The following PLLP variants were observed in gnomAD, a reference collection of about 807,000 sequenced individuals.
PLLP encodes the protein plasmolipin, also known as plasma membrane proteolipid (plasmolipin).
Under a neutral mutation model 19.7 loss-of-function variants are expected in PLLP, and 15 were observed. The observed-to-expected ratio is 0.76, with a 90% CI of 0.51 to 1.17. The LOEUF is 1.17. Ranked by LOEUF, PLLP falls within the 50% of genes most tolerant of loss-of-function variation. The pLI, the probability that PLLP is intolerant of heterozygous loss-of-function variation, is 0.00. For synonymous variants in PLLP, 111 were observed against 116.3 expected, an observed-to-expected ratio of 0.95 and a Z score of 0.29; for missense variants, 255 against 258.3, an observed-to-expected ratio of 0.99 and a Z score of 0.09.
intron 2 of PLLP, among the ~76,000 whole-genome samples, chr16:57,261,659 T>C (rs1366068724): frequency 2.6e-5 from 4 of 152,140 alleles, no homozygotes; most frequent in African/African-American, 9.7e-5. Context: ...GGTTCAAGGC[T>C]GCAGTGAGCC....
In PLLP at chr16:57,284,486, C is replaced by G. The variant is rs754077376; in HGVS notation, c.55G>C (p.Ala19Pro). The change falls in exon 1 of 4, where the codon GCC (alanine) becomes CCC (proline). Residue 19 changes from alanine to proline, a missense_variant. Physicochemically the swap from Ala to Pro is conservative, Grantham distance 27. Transcript: ENST00000219207. ...CGCAGCGCCGACACCGAGGCTTCGGCGCCCTGCGCAGGACTGCTGGTCCGC... is the reference window on the plus strand; with the variant it reads ...CGCAGCGCCGACACCGAGGCTTCGGGGCCCTGCGCAGGACTGCTGGTCCGC... ...STRTSSPAQGAEASVSALRPD... is the reference protein window; with the variant it reads ...STRTSSPAQGPEASVSALRPD... The G allele has an allele frequency of 6.9e-7, 1 of 1,439,516 alleles. No homozygotes were observed. Among genetic ancestry groups the G allele is most frequent in the Admixed American group, 2.5e-5 (1 of 39,780 alleles). 89.2% of individuals were successfully genotyped at this position (1,439,516 alleles called of 1,614,324 possible). A position where few individuals can be genotyped will look rare whatever the true frequency, so the allele number is the denominator to read the frequency against.
Position 57,279,103 on chromosome 16 carries a change from A to G in PLLP, c.135+5303T>C, listed in dbSNP as rs1338060593. On this transcript the variant is annotated intron_variant, in intron 1 of 3. Coordinates refer to ENST00000219207, the MANE Select transcript of PLLP (RefSeq NM_015993.3). ...TCGGATCCTATAACCCTGTGAATCC[A>G]AACTGTCCTTCATTCCCACATATAG... Among the ~76,000 whole-genome samples the G allele has an allele frequency of 3.3e-5, 5 of 152,328 alleles. No homozygotes were observed. The South Asian group carries it at 1.0e-3, about 32-fold the overall frequency.
chr16:57,265,798 C>T (rs2075455013), intron 1 of PLLP, among the ~76,000 whole-genome samples: 1 of 152,200 alleles, frequency 6.6e-6, no homozygotes. Flanking sequence ...GAGGCTGAGG[C>T]AGGTGGATCA....
chr16:57,261,813 ACC>A, intron 2 of PLLP, 82 bp downstream of exon 2: 3 of 1,260,898 alleles, frequency 2.4e-6, no homozygotes, highest in Non-Finnish European at 3.4e-6. Flanking sequence ...ATGTCAGGCC[ACC>A]CCCCCACACC....
chr16:57,263,500 A>C (rs1282688536), intron 1 of PLLP: 1 of 152,318 alleles, frequency 6.6e-6, no homozygotes, highest in Non-Finnish European at 1.5e-5. Context: ...AAATGATTGC[A>C]GCAGAAGTGT....
chr16:57,256,889 A>G lies in PLLP; in HGVS notation c.*24T>C, dbSNP rs1597956696. On this transcript the variant is annotated 3_prime_UTR_variant, in exon 4 of 4. Transcript: ENST00000219207. ...GTGACCCAGCGGCGGCTTCAGCCCC[A>G]GAGGGGGCCGTGGCACAGGTGGTTT... The G allele has an allele frequency of 6.6e-7, 1 of 1,522,746 alleles. No homozygotes were observed. Among genetic ancestry groups the G allele is most frequent in the African/African-American group, 1.4e-5 (1 of 73,314 alleles). 94.3% of individuals were successfully genotyped at this position (1,522,746 alleles called of 1,614,324 possible). A position where few individuals can be genotyped will look rare whatever the true frequency, so the allele number is the denominator to read the frequency against.
chr16:57,275,914 G>C (rs1322904948), intron 1 of PLLP, among the ~76,000 whole-genome samples: 2 of 152,166 alleles, frequency 1.3e-5, no homozygotes, highest in Non-Finnish European at 2.9e-5. Context: ...CCAGGAGTTC[G>C]AGACCAGCCT....
At chr16:57,270,639 G>A (rs940067164) in intron 1 of PLLP, among the ~76,000 whole-genome samples, 1 of 152,056 alleles carries the variant, frequency 6.6e-6, no homozygotes, top group Non-Finnish European at 1.5e-5. Flanking sequence ...TGTATCACAC[G>A]AGACAAAGGG....
chr16:57,271,857 C>A (rs552244806), intron 1 of PLLP, among the ~76,000 whole-genome samples: 75 of 152,108 alleles, frequency 4.9e-4, no homozygotes, highest in African/African-American at 1.8e-3. Flanking sequence ...GCAGCACTCG[C>A]AGGTGGGATC....
chr16:57,281,295 T>C (rs1901215467), intron 1 of PLLP, among the ~76,000 whole-genome samples: 1 of 121,450 alleles, frequency 8.2e-6, no homozygotes, highest in Non-Finnish European at 1.7e-5. Flanking sequence ...GCCTCAGTTT[T>C]CTCACCTAAA....
chr16:57,284,199 A>G (rs1299643594), intron 1 of PLLP, among the ~76,000 whole-genome samples: 1 of 151,818 alleles, frequency 6.6e-6, no homozygotes, highest in African/African-American at 2.4e-5. Context: ...GCCACGGGGT[A>G]GTGTCGTGGT....
rs1185016136 is a variant in PLLP, at chr16:57,263,774, C to T, written c.136-1704G>A. On this transcript the variant is annotated intron_variant, in intron 1 of 3. Coordinates refer to ENST00000219207, the MANE Select transcript of PLLP (RefSeq NM_015993.3). Reference sequence around the variant, plus strand: ...GATGCTCTGGAGAGCGCCTTCTCCACGAGGGCACTCTCTGGAATCCCTGGC... The same window carrying T: ...GATGCTCTGGAGAGCGCCTTCTCCATGAGGGCACTCTCTGGAATCCCTGGC... 5.3e-5 allele frequency among the ~76,000 whole-genome samples: 8 copies of T among 151,798 alleles called. No individual in the cohort carries two copies. The East Asian group carries it at 9.8e-4, about 19-fold the overall frequency.
At chr16:57,267,179 G>A (rs2075460302) in intron 1 of PLLP, among the ~76,000 whole-genome samples, 1 of 152,152 alleles carries the variant, frequency 6.6e-6, no homozygotes, top group Admixed American at 6.5e-5. Flanking sequence ...TGACTCTGAG[G>A]GAAGTTTTTC....
intron 1 of PLLP, among the ~76,000 whole-genome samples, chr16:57,262,398 A>G (rs1274710607): frequency 2.6e-5 from 4 of 152,114 alleles, no homozygotes; most frequent in African/African-American, 9.7e-5. Context: ...CTAAAAATAC[A>G]AAAATTAGCC....
Position 57,262,141 on chromosome 16 carries a change from G to A in PLLP, c.136-71C>T. The stretch of plus-strand genomic sequence containing the variant: ...TTTCTTATCTAGCTAAGAAATACTG[G>A]CCAGGCACAGTGGCTCATGCCTGTA... On this transcript the variant is annotated intron_variant, in intron 1 of 3. Coordinates refer to ENST00000219207, the MANE Select transcript of PLLP (RefSeq NM_015993.3). 2.0e-6 allele frequency: 3 copies of A among 1,466,510 alleles called. No homozygotes were observed. In the Middle Eastern group the frequency reaches 5.2e-4, roughly 255 times the overall value. 90.8% of individuals were successfully genotyped at this position (1,466,510 alleles called of 1,614,324 possible). A position where few individuals can be genotyped will look rare whatever the true frequency, so the allele number is the denominator to read the frequency against.
intron 1 of PLLP, among the ~76,000 whole-genome samples, chr16:57,281,496 A>G (rs2146452436): frequency 7.6e-6 from 1 of 132,222 alleles, no homozygotes; most frequent in African/African-American, 3.0e-5. Context: ...CTTCTCCAAC[A>G]AGCAGATTTT....
chr16:57,267,693 C>T (rs4784786), intron 1 of PLLP, among the ~76,000 whole-genome samples: 6,932 of 151,870 alleles, frequency 0.046, 425 homozygotes, highest in South Asian at 0.26. Context: ...GCCTGGCCAA[C>T]GTGGTGAAAC....
chr16:57,259,975 T>TAAA (rs574093513), intron 2 of PLLP, among the ~76,000 whole-genome samples: 4 of 112,428 alleles, frequency 3.6e-5, no homozygotes, highest in Non-Finnish European at 3.8e-5. Context: ...GGACTTTGTC[T>TAAA]AAAAAAAAAA....
chr16:57,272,770 A>G (rs533404379), intron 1 of PLLP, among the ~76,000 whole-genome samples: 4 of 151,786 alleles, frequency 2.6e-5, no homozygotes, highest in African/African-American at 9.7e-5. Flanking sequence ...TGGGCAACAT[A>G]AGCAAGATCC....
Sources: allele counts gnomAD v4.1 joint callset (sites outside exome capture counted in the v4.1 genomes callset), GRCh38; gene constraint gnomAD v4.1.1; transcripts MANE v1.5; gene names NCBI Gene and HGNC (gene_info 2026-07-23, HGNC 2026-07-21).